Variants in AGMO observed in about 807,000 individuals in gnomAD.
AGMO encodes the protein glyceryl-ether monooxygenase.
In AGMO, 75 loss-of-function variants were observed where a neutral mutation model predicts 60.2. That is an observed-to-expected ratio of 1.25 (90% CI 1.03 to 1.51). The LOEUF (loss-of-function observed/expected upper bound fraction) is 1.51. Among genes scored for constraint, AGMO ranks in the 40% most tolerant of loss-of-function variants. AGMO has a pLI of 0.00. For missense variants in AGMO, 763 were observed against 525.5 expected, an observed-to-expected ratio of 1.45 and a Z score of -4.42; for synonymous variants, 261 against 177.1, an observed-to-expected ratio of 1.47 and a Z score of -3.76.
chr7:15,496,981 A>G (rs1257973971), intron 3 of AGMO, among the ~76,000 whole-genome samples: 1 of 152,102 alleles, frequency 6.6e-6, no homozygotes, highest in Non-Finnish European at 1.5e-5. Context: ...TGTCTACATT[A>G]TATTCCATTC....
intron 12 of AGMO, among the ~76,000 whole-genome samples, chr7:15,247,447 C>G (rs991082567): frequency 1.1e-3 from 146 of 136,616 alleles, no homozygotes; most frequent in Non-Finnish European, 1.8e-3. Flanking sequence ...CACACACACA[C>G]ACACACACAC....
chr7:15,311,912 T>C (rs1466647910), intron 12 of AGMO, among the ~76,000 whole-genome samples: 1 of 152,098 alleles, frequency 6.6e-6, no homozygotes, highest in Non-Finnish European at 1.5e-5. Context: ...ATGCTAGTAA[T>C]AAAAATTACA....
intron 12 of AGMO, among the ~76,000 whole-genome samples, chr7:15,314,105 G>A (rs1221044767): frequency 2.6e-5 from 4 of 151,988 alleles, no homozygotes; most frequent in African/African-American, 7.2e-5. Context: ...AGCAGATAAT[G>A]TTGATGACTG....
At chr7:15,245,916 G>A (rs1452624122) in intron 12 of AGMO, among the ~76,000 whole-genome samples, 2 of 151,966 alleles carry the variant, frequency 1.3e-5, no homozygotes, top group Non-Finnish European at 2.9e-5. Flanking sequence ...TCATCCCCAG[G>A]CAATCAGACA....
intron 4 of AGMO, among the ~76,000 whole-genome samples, chr7:15,426,235 C>A (rs1449380699): frequency 6.6e-6 from 1 of 152,082 alleles, no homozygotes; most frequent in African/African-American, 2.4e-5. Context: ...ATTTTGACAA[C>A]TATAATACTT....
intron 10 of AGMO, among the ~76,000 whole-genome samples, chr7:15,375,437 C>T (rs529955953): frequency 4.4e-5 from 6 of 136,518 alleles, no homozygotes; most frequent in African/African-American, 1.7e-4. Flanking sequence ...GCTCTGTTGC[C>T]TAGGCTGGAG....
intron 12 of AGMO, among the ~76,000 whole-genome samples, chr7:15,361,724 A>G (rs538898976): frequency 6.6e-6 from 1 of 152,076 alleles, no homozygotes; most frequent in Non-Finnish European, 1.5e-5. Flanking sequence ...TTTTCTCCGC[A>G]TCGAACAGTT....
the AGMO span, among the ~76,000 whole-genome samples, chr7:15,141,194 T>C: frequency 6.6e-6 from 1 of 152,176 alleles, no homozygotes; most frequent in African/African-American, 2.4e-5. Flanking sequence ...TAGGACAGGC[T>C]GCAGTTTCAG....
At chr7:15,325,775 T>G (rs1406394560) in intron 12 of AGMO, among the ~76,000 whole-genome samples, 1 of 152,208 alleles carries the variant, frequency 6.6e-6, no homozygotes, top group Admixed American at 6.5e-5. Context: ...CCCTGTATAT[T>G]AATTTTTCAT....
chr7:15,459,230 C>T (rs577224652), intron 3 of AGMO, among the ~76,000 whole-genome samples: 1 of 152,224 alleles, frequency 6.6e-6, no homozygotes, highest in East Asian at 1.9e-4. Context: ...CAAATAAAAT[C>T]ACCCAATGAG....
At chr7:15,206,317 G>A (rs1781438859) in intron 12 of AGMO, among the ~76,000 whole-genome samples, 1 of 151,554 alleles carries the variant, frequency 6.6e-6, no homozygotes, top group South Asian at 2.1e-4. Flanking sequence ...ATTGAGAATT[G>A]TTTTCACTTT....
In AGMO at chr7:15,537,566, G is replaced by T. The variant is rs181219630; in HGVS notation, c.409+7206C>A. Among the ~76,000 whole-genome samples, 24 of 151,912 alleles carry T rather than the reference G, an allele frequency of 1.6e-4. 1 individual carries two copies. The highest frequency in any genetic ancestry group is 4.3e-4 in the African/African-American group (18 of 41,440). ...TCGAAAATATTGCACAGCCGCCCTC[G>T]GTTCTCCTAATTATTCCTGGAAATA... On this transcript the variant is annotated intron_variant, in intron 3 of 12. Coordinates refer to ENST00000342526, the MANE Select transcript of AGMO (RefSeq NM_001004320.2).
chr7:15,198,865 ATGT>A (rs1347869197), downstream of AGMO, among the ~76,000 whole-genome samples: 1 of 152,144 alleles, frequency 6.6e-6, no homozygotes, highest in Admixed American at 6.6e-5. Context: ...CACAATAATG[ATGT>A]TATCCCTAGG....
rs922799274 is a variant in AGMO, at chr7:15,385,405, C to A, written c.1074+41G>T. 1.5e-5 allele frequency: 19 copies of A among 1,261,226 alleles called. No individual in the cohort carries two copies. In the African/African-American group the frequency reaches 2.8e-4, roughly 19 times the overall value. The allele number at this position is 1,261,226 out of a possible 1,614,324, so 78.1% of individuals were successfully genotyped here. On this transcript the variant is annotated intron_variant, in intron 10 of 12. Coordinates refer to ENST00000342526, the MANE Select transcript of AGMO (RefSeq NM_001004320.2). ...TTATTTTCATTTTCAAACAAAGTAA[C>A]AGATAATGTTCTCACACTACTTAAA...
At chr7:15,332,099 A>G (rs1389793421) in intron 12 of AGMO, among the ~76,000 whole-genome samples, 4 of 152,164 alleles carry the variant, frequency 2.6e-5, no homozygotes, top group African/African-American at 9.7e-5. Context: ...AACAGACCAC[A>G]TAAAAGGATA....
chr7:15,214,918 C>T (rs1390581637), intron 12 of AGMO, among the ~76,000 whole-genome samples: 1 of 152,018 alleles, frequency 6.6e-6, no homozygotes, highest in East Asian at 1.9e-4. Flanking sequence ...TAACTGCCTA[C>T]ATCTTTTTGT....
chr7:15,478,171 T>G (rs1486458161), intron 3 of AGMO, among the ~76,000 whole-genome samples: 1 of 152,150 alleles, frequency 6.6e-6, no homozygotes, highest in African/African-American at 2.4e-5. Context: ...CGCTGAAGCC[T>G]TAATTAGAAA....
intron 5 of AGMO, among the ~76,000 whole-genome samples, chr7:15,408,986 A>G (rs1784772101): frequency 6.6e-6 from 1 of 151,728 alleles, no homozygotes; most frequent in Non-Finnish European, 1.5e-5. Context: ...AGAAAATGCA[A>G]AAATTGGGTA....
intron 3 of AGMO, among the ~76,000 whole-genome samples, chr7:15,509,439 G>A (rs912974887): frequency 6.6e-6 from 1 of 151,630 alleles, no homozygotes; most frequent in African/African-American, 2.4e-5. Context: ...AATTTAAGAT[G>A]ACTTAAAAAC....
Sources: gnomAD v4.1 joint callset for allele counts (sites outside exome capture counted in the v4.1 genomes callset) on GRCh38, gnomAD v4.1.1 for gene constraint, MANE v1.5 for transcripts, NCBI Gene and HGNC (gene_info 2026-07-23, HGNC 2026-07-21) for gene names.